The following KSR2 variants were observed in gnomAD, a reference collection of about 807,000 sequenced individuals.
The protein encoded by KSR2 is kinase suppressor of ras 2.
Under a neutral mutation model 107.8 loss-of-function variants are expected in KSR2, and 25 were observed. The ratio of observed to expected loss-of-function variants is 0.23; its 90% CI spans 0.17 to 0.32. The LOEUF is 0.32. Ranked by LOEUF, KSR2 falls within the 10% of genes least tolerant of loss-of-function variation. The pLI, the probability that KSR2 is intolerant of heterozygous loss-of-function variation, is 1.00. For missense variants in KSR2, 887 were observed against 1,268.9 expected (o/e 0.70, Z 4.57); for synonymous variants, 480 against 507.0 (o/e 0.95, Z 0.71).
chr12:117,626,787 C>T (rs1413085410), intron 5 of KSR2, among the ~76,000 whole-genome samples: 1 of 152,024 alleles, frequency 6.6e-6, no homozygotes, highest in African/African-American at 2.4e-5. Context: ...ATTGATCTGC[C>T]TAATATTGAC....
intron 17 of KSR2, among the ~76,000 whole-genome samples, chr12:117,472,961 C>G (rs1438687341): frequency 2.6e-5 from 4 of 152,148 alleles, no homozygotes; most frequent in Non-Finnish European, 1.5e-5. Flanking sequence ...GCACAGCTTT[C>G]ACAGGCTAAT....
In KSR2 at chr12:117,569,715, C is replaced by T. The variant is rs148097277; in HGVS notation, c.1325+9404G>A. 2.0e-3 allele frequency among the ~76,000 whole-genome samples: 305 copies of T among 152,286 alleles called. 1 individual carries two copies. The Middle Eastern group carries it at 0.031, about 15-fold the overall frequency. ...GTGCTAAACCTCAGAAAGTCCCAGG[C>T]AAACTGGGATGGTTGATCACCCCCT... On this transcript the variant is annotated intron_variant, in intron 7 of 19. Coordinates refer to ENST00000339824, the MANE Select transcript of KSR2 (RefSeq NM_173598.6).
At chr12:117,935,986 C>T (rs1298018016) in intron 1 of KSR2, among the ~76,000 whole-genome samples, 1 of 152,022 alleles carries the variant, frequency 6.6e-6, no homozygotes, top group Non-Finnish European at 1.5e-5. Flanking sequence ...TTTCTTTTTT[C>T]CATAGTACTT....
In KSR2 at chr12:117,731,329, A is replaced by G. The variant is rs1392932517; in HGVS notation, c.986+29682T>C. On this transcript the variant is annotated intron_variant, in intron 4 of 19. Coordinates refer to ENST00000339824, the MANE Select transcript of KSR2 (RefSeq NM_173598.6). ...CCGCCCAGCAGCCGCCCCGTCTGAGAAGTGAGGAGCCCCCCCGCCCAGCAG... is the reference window on the plus strand; with the variant it reads ...CCGCCCAGCAGCCGCCCCGTCTGAGGAGTGAGGAGCCCCCCCGCCCAGCAG... 1.3e-4 allele frequency among the ~76,000 whole-genome samples: 19 copies of G among 141,652 alleles called. 1 individual carries two copies. The highest frequency in any genetic ancestry group is 2.0e-4 in the Non-Finnish European group (13 of 65,094). The allele number at this position is 141,652 out of a possible 152,430, so 92.9% of individuals were successfully genotyped here. A position where few individuals can be genotyped will look rare whatever the true frequency, so the allele number is the denominator to read the frequency against.
intron 10 of KSR2, among the ~76,000 whole-genome samples, chr12:117,538,359 A>T (rs1876198910): frequency 6.6e-6 from 1 of 152,158 alleles, no homozygotes; most frequent in Non-Finnish European, 1.5e-5. Flanking sequence ...AATATGTGCC[A>T]TCTCTGTGGA....
chr12:117,861,378 CTTTTT>C (rs5801257), intron 1 of KSR2, among the ~76,000 whole-genome samples: 5 of 81,682 alleles, frequency 6.1e-5, no homozygotes, highest in South Asian at 4.2e-4. Context: ...TCCCAATTCG[CTTTTT>C]TTTTTTTTTT....
intron 4 of KSR2, among the ~76,000 whole-genome samples, chr12:117,754,298 C>T (rs1398525759): frequency 6.6e-6 from 1 of 152,012 alleles, no homozygotes; most frequent in Non-Finnish European, 1.5e-5. Flanking sequence ...CTGATAAAAA[C>T]CACCACGGGT....
intron 3 of KSR2, among the ~76,000 whole-genome samples, chr12:117,827,116 C>T (rs1891788666): frequency 1.3e-5 from 2 of 151,426 alleles, no homozygotes; most frequent in Non-Finnish European, 2.9e-5. Flanking sequence ...CTGAGCTCTG[C>T]TCCTGACTTC....
intron 1 of KSR2, among the ~76,000 whole-genome samples, chr12:117,901,711 C>A (rs1029816716): frequency 6.6e-6 from 1 of 152,098 alleles, no homozygotes; most frequent in Non-Finnish European, 1.5e-5. Flanking sequence ...TGTTTTAAGA[C>A]CTTACATTAC....
chr12:117,807,727 A>G (rs1035310360), intron 3 of KSR2, among the ~76,000 whole-genome samples: 7 of 152,246 alleles, frequency 4.6e-5, no homozygotes. Flanking sequence ...GCACAGTTTC[A>G]AGGACTGAGA....
intron 5 of KSR2, among the ~76,000 whole-genome samples, chr12:117,656,210 C>T (rs1884148465): frequency 6.6e-6 from 1 of 152,108 alleles, no homozygotes; most frequent in Admixed American, 6.6e-5. Flanking sequence ...TTTCCTTTTC[C>T]TTTATCATGT....
intron 1 of KSR2, among the ~76,000 whole-genome samples, chr12:117,887,450 G>A (rs981150724): frequency 2.0e-5 from 3 of 152,082 alleles, no homozygotes; most frequent in Admixed American, 6.6e-5. Context: ...AGGAGGGAGA[G>A]GTTCAGGTGA....
At chr12:117,539,911 A>T (rs1185125966) in intron 9 of KSR2, 24 bp from the exon 10 acceptor site, 1 of 1,579,968 alleles carries the variant, frequency 6.3e-7, no homozygotes, top group East Asian at 2.4e-5. Context: ...ACAGGGTAGG[A>T]GTCAGGGACA....
intron 5 of KSR2, among the ~76,000 whole-genome samples, chr12:117,623,246 T>C (rs1227120811): frequency 6.6e-6 from 1 of 152,240 alleles, no homozygotes; most frequent in Non-Finnish European, 1.5e-5. Context: ...TTTTTAATTA[T>C]TATACTTTAA....
At chr12:117,720,501 G>T (rs928048399) in intron 4 of KSR2, among the ~76,000 whole-genome samples, 1 of 152,182 alleles carries the variant, frequency 6.6e-6, no homozygotes, top group African/African-American at 2.4e-5. Flanking sequence ...AAAGTAACAC[G>T]AGGCAGAGGC....
rs954153206 is a variant in KSR2, at chr12:117,467,041, C to T, written c.*158G>A. 1 of 492,378 alleles carries T rather than the reference C, an allele frequency of 2.0e-6. No individual in the cohort carries two copies. The highest frequency in any genetic ancestry group is 2.0e-5 in the African/African-American group (1 of 49,678). 30.5% of individuals were successfully genotyped at this position (492,378 alleles called of 1,614,324 possible). A position where few individuals can be genotyped will look rare whatever the true frequency, so the allele number is the denominator to read the frequency against. On this transcript the variant is annotated 3_prime_UTR_variant, in exon 20 of 20. Coordinates refer to ENST00000339824, the MANE Select transcript of KSR2 (RefSeq NM_173598.6). ...AGGAAAAGGGCTCAAGTCTGAGGTG[C>T]AGGGAGGCCGCCGAGCAGTTGTCCA... is the stretch of plus-strand genomic sequence containing the variant.
At chr12:117,540,106 C>A (rs961918255) in intron 9 of KSR2, among the ~76,000 whole-genome samples, 1 of 152,080 alleles carries the variant, frequency 6.6e-6, no homozygotes, top group African/African-American at 2.4e-5. Flanking sequence ...AATTCCTGTC[C>A]ACTGCTTGGA....
At chr12:117,714,297 A>T (rs914978798) in intron 4 of KSR2, among the ~76,000 whole-genome samples, 3 of 152,096 alleles carry the variant, frequency 2.0e-5, no homozygotes, top group African/African-American at 7.2e-5. Context: ...TCACCCCAAC[A>T]TGTACGCCTC....
At chr12:117,817,270 T>G (rs1891405611) in intron 3 of KSR2, among the ~76,000 whole-genome samples, 1 of 152,140 alleles carries the variant, frequency 6.6e-6, no homozygotes, top group African/African-American at 2.4e-5. Flanking sequence ...TACTGTCTAT[T>G]TGCATCTGAA....
Sources: gnomAD v4.1 joint callset for allele counts (sites outside exome capture counted in the v4.1 genomes callset) on GRCh38, gnomAD v4.1.1 for gene constraint, MANE v1.5 for transcripts, NCBI Gene and HGNC (gene_info 2026-07-23, HGNC 2026-07-21) for gene names.